DCTPP1: variants seen among roughly 807,000 people sequenced by gnomAD.
The protein encoded by DCTPP1 is dCTP pyrophosphatase 1, also known as XTP3-transactivated gene A protein.
A neutral mutation model predicts 8.8 loss-of-function variants in DCTPP1; 8 were observed. The observed-to-expected ratio is 0.91, with a 90% CI of 0.54 to 1.64. DCTPP1 has a LOEUF of 1.64. Among genes scored for constraint, DCTPP1 ranks in the 40% most tolerant of loss-of-function variants. The probability of loss-of-function intolerance (pLI) is 0.00; values close to 1 mark genes in which losing one functional copy is unlikely to be tolerated. For synonymous variants in DCTPP1, 85 were observed against 92.1 expected, an observed-to-expected ratio of 0.92 and a Z score of 0.44; for missense variants, 231 against 230.4, an observed-to-expected ratio of 1.00 and a Z score of -0.02.
At chr16:30,429,733 G>T in intron 1 of DCTPP1, 147 bp downstream of exon 1, 1 of 731,166 alleles carries the variant, frequency 1.4e-6, no homozygotes, top group Non-Finnish European at 2.1e-6. Context: ...TTGCAGATGA[G>T]GTAAGAAGGC....
intron 2 of DCTPP1, among the ~76,000 whole-genome samples, chr16:30,428,638 G>A (rs770063485): frequency 6.6e-6 from 1 of 152,014 alleles, no homozygotes; most frequent in Non-Finnish European, 1.5e-5. Context: ...GGCGTGGTGG[G>A]GGGCACCTGT....
intron 1 of DCTPP1, chr16:30,429,553 T>TC (rs2050212847): frequency 4.8e-6 from 2 of 417,196 alleles, no homozygotes; most frequent in Middle Eastern, 6.3e-4. Context: ...AAATAACGTC[T>TC]CCCACCTCTC....
chr16:30,426,183 C>T (rs1188031667), intron 2 of DCTPP1, among the ~76,000 whole-genome samples: 12 of 152,164 alleles, frequency 7.9e-5, no homozygotes, highest in Admixed American at 3.3e-4. Context: ...TTTGTTTGTT[C>T]GTTTTTGTTT....
At chr16:30,428,957 G>T (rs967691956) in intron 2 of DCTPP1, 100 bp downstream of exon 2, 1 of 1,264,296 alleles carries the variant, frequency 7.9e-7, no homozygotes, top group Non-Finnish European at 1.1e-6. Context: ...CTAGCAATCA[G>T]GAGGGGAAAC....
intron 2 of DCTPP1, 160 bp downstream of exon 2, chr16:30,428,897 G>T: frequency 1.5e-6 from 1 of 663,290 alleles, no homozygotes. Context: ...AGTGCCCCTA[G>T]AGGGCAGGGA....
At chr16:30,429,858 G>A (rs1228485768) in intron 1 of DCTPP1, 22 bp downstream of exon 1, 9 of 1,584,992 alleles carry the variant, frequency 5.7e-6, no homozygotes, top group Non-Finnish European at 7.7e-6. Flanking sequence ...TCCCCACCCC[G>A]AGCTGGGCCA....
At position 30,423,939 on chromosome 16, in the gene DCTPP1, G is replaced by T. The variant is rs1311794964; in HGVS notation, c.*294C>A. 5.3e-6 allele frequency: 2 copies of T among 377,652 alleles called. No homozygotes were observed. Among genetic ancestry groups the T allele is most frequent in the Non-Finnish European group, 9.6e-6 (2 of 208,282 alleles). 23.4% of individuals were successfully genotyped at this position (377,652 alleles called of 1,614,324 possible). A position where few individuals can be genotyped will look rare whatever the true frequency, so the allele number is the denominator to read the frequency against. ...TGCCCTGCAGGCAAAAGGTACAACA[G>T]GGAAACACGAGAATGGGTCTCAGAG... is the stretch of plus-strand genomic sequence containing the variant. On this transcript the variant is annotated 3_prime_UTR_variant, in exon 3 of 3. Transcript: ENST00000319285.
chr16:30,427,943 T>A (rs2050203281), intron 2 of DCTPP1, among the ~76,000 whole-genome samples: 1 of 152,160 alleles, frequency 6.6e-6, no homozygotes, highest in Admixed American at 6.5e-5. Context: ...TTCAGTGAGC[T>A]ATGATCACAC....
chr16:30,425,997 G>A (rs538121503), intron 2 of DCTPP1, among the ~76,000 whole-genome samples: 1 of 152,138 alleles, frequency 6.6e-6, no homozygotes, highest in Admixed American at 6.5e-5. Context: ...CCCCGCCTAA[G>A]GCCACTTTGG....
chr16:30,429,894 G>T lies in DCTPP1; in HGVS notation c.87C>A (p.Pro29=). ...APGRFSFSPE[P]TLEDIRRLHA... ...GGCCTGCTTACATGTCCTCGAGCGTGGGCTCCGGGCTGAAGCTGAACCGGC... is the reference window on the plus strand; with the variant it reads ...GGCCTGCTTACATGTCCTCGAGCGTTGGCTCCGGGCTGAAGCTGAACCGGC... Residue 29 remains proline (P), a synonymous_variant, in exon 1 of 3, where the codon CCC becomes CCA. Coordinates refer to ENST00000319285, the MANE Select transcript of DCTPP1 (RefSeq NM_024096.2). The T allele has an allele frequency of 6.3e-7, 1 of 1,596,718 alleles. No homozygotes were observed. Among genetic ancestry groups the T allele is most frequent in the Non-Finnish European group, 8.5e-7 (1 of 1,172,378 alleles).
chr16:30,429,336 C>G, intron 1 of DCTPP1, 169 bp from the exon 2 acceptor site: 1 of 607,252 alleles, frequency 1.6e-6, no homozygotes. Flanking sequence ...GAACTTGGTT[C>G]CCTCATCTAT....
In DCTPP1 at chr16:30,424,330, C is replaced by T. The variant is rs143856356; in HGVS notation, c.416G>A (p.Arg139His). 8.7e-6 allele frequency: 14 copies of T among 1,614,102 alleles called. No homozygotes were observed. In the East Asian group the frequency reaches 1.3e-4, roughly 15 times the overall value. Reference protein sequence around the residue: ...YPAHLARSSSRKYTELPHGAI... With the variant: ...YPAHLARSSSHKYTELPHGAI... ...CCCATGGGGCAATTCTGTATACTTG[C>T]GGGAAGAGCTGCGGGCCAGATGGGC... The change falls in exon 3 of 3, where the codon CGC becomes CAC. Residue 139 changes from arginine to histidine, a missense_variant. Physicochemically the swap from Arg to His is conservative, Grantham distance 29 (BLOSUM62 0). Transcript: ENST00000319285.
In DCTPP1 at chr16:30,424,550, G is replaced by A. The variant is rs761940352; in HGVS notation, c.213-17C>T. ...TTCCACTGACTAGGGGCAGAACACA[G>A]ACAGACACACACTCAGATGTAACCT... On this transcript the variant is annotated splice_polypyrimidine_tract_variant and intron_variant, in intron 2 of 2. Coordinates refer to ENST00000319285, the MANE Select transcript of DCTPP1 (RefSeq NM_024096.2). 49 of 1,609,824 alleles carry A rather than the reference G, an allele frequency of 3.0e-5. No individual in the cohort carries two copies. Among genetic ancestry groups the A allele is most frequent in the Non-Finnish European group, 4.2e-5 (49 of 1,178,928 alleles).
In DCTPP1 at chr16:30,430,016, C is replaced by A; in HGVS notation, c.-36G>T. 1 of 1,425,674 alleles carries A rather than the reference C, an allele frequency of 7.0e-7. No individual in the cohort carries two copies. Among genetic ancestry groups the A allele is most frequent in the Non-Finnish European group, 9.2e-7 (1 of 1,086,670 alleles). The allele number at this position is 1,425,674 out of a possible 1,614,324, so 88.3% of individuals were successfully genotyped here. A position where few individuals can be genotyped will look rare whatever the true frequency, so the allele number is the denominator to read the frequency against. Reference sequence around the variant, plus strand: ...GCTGCACCGCGACTTCACGGAAAACCCACGAGCCACGCTCGAAGCCCCGCC... The same window carrying A: ...GCTGCACCGCGACTTCACGGAAAACACACGAGCCACGCTCGAAGCCCCGCC... On this transcript the variant is annotated 5_prime_UTR_variant, in exon 1 of 3. Coordinates refer to ENST00000319285, the MANE Select transcript of DCTPP1 (RefSeq NM_024096.2).
rs188273961 is a variant in DCTPP1 at position 30,427,072 on chromosome 16, C to T, written c.212+1985G>A. Reference sequence around the variant, plus strand: ...TCGCCCAGGCTAGAGTGCAGTGGCGCGATCTCGGCTCACTGCAAGCTCCGC... The same window carrying T: ...TCGCCCAGGCTAGAGTGCAGTGGCGTGATCTCGGCTCACTGCAAGCTCCGC... On this transcript the variant is annotated intron_variant, in intron 2 of 2. Coordinates refer to ENST00000319285, the MANE Select transcript of DCTPP1 (RefSeq NM_024096.2). 1.6e-4 allele frequency among the ~76,000 whole-genome samples: 23 copies of T among 146,684 alleles called. No individual in the cohort carries two copies. The East Asian group carries it at 3.3e-3, about 21-fold the overall frequency.
chr16:30,429,938 C>G lies in DCTPP1; in HGVS notation c.43G>C (p.Glu15Gln). Reference sequence around the variant, plus strand: ...AACCGGCCGGGAGCAGCAGTGTCCTCTCCCCCCGTGTCCCCACGAATCTCC... The same window carrying G: ...AACCGGCCGGGAGCAGCAGTGTCCTGTCCCCCCGTGTCCCCACGAATCTCC... The part of the protein sequence containing the change: ...GGEIRGDTGG[E>Q]DTAAPGRFSF... Residue 15 changes from glutamate (E) to glutamine (Q), a missense_variant, in exon 1 of 3, where the codon GAG (glutamate) becomes CAG (glutamine). Transcript: ENST00000319285. The G allele has an allele frequency of 6.3e-7, 1 of 1,589,580 alleles. No homozygotes were observed. Among genetic ancestry groups the G allele is most frequent in the Non-Finnish European group, 8.6e-7 (1 of 1,169,164 alleles).
intron 2 of DCTPP1, 81 bp from the exon 3 acceptor site, chr16:30,424,614 C>T (rs1426029506): frequency 1.8e-5 from 27 of 1,532,882 alleles, no homozygotes; most frequent in Admixed American, 1.8e-5. Context: ...GTAATAACAC[C>T]CACCTCCAAG....
At chr16:30,428,415 C>G (rs569071773) in intron 2 of DCTPP1, among the ~76,000 whole-genome samples, 2 of 152,222 alleles carry the variant, frequency 1.3e-5, no homozygotes, top group Non-Finnish European at 2.9e-5. Context: ...GTTCCCATGT[C>G]TGGAATGCCA....
intron 2 of DCTPP1, among the ~76,000 whole-genome samples, chr16:30,428,310 T>C (rs758774763): frequency 2.0e-5 from 3 of 152,170 alleles, no homozygotes; most frequent in Non-Finnish European, 4.4e-5. Context: ...AGATCCCAAA[T>C]CCCTGATTTT....
Sources: gnomAD v4.1 joint callset for allele counts (sites outside exome capture counted in the v4.1 genomes callset) on GRCh38, gnomAD v4.1.1 for gene constraint, MANE v1.5 for transcripts, NCBI Gene and HGNC (gene_info 2026-07-23, HGNC 2026-07-21) for gene names.